The following P3H1 variants were observed in gnomAD, a reference collection of about 807,000 sequenced individuals.
P3H1 encodes growth suppressor 1.
In P3H1, 69 loss-of-function variants were observed where a neutral mutation model predicts 84.0. That is an observed-to-expected ratio of 0.82 (90% CI 0.68 to 1.00). The LOEUF (loss-of-function observed/expected upper bound fraction) is 1.00. P3H1 is among the 50% of genes least tolerant of loss of function. The pLI is 0.00. For missense variants in P3H1, 878 were observed against 962.8 expected (o/e 0.91, Z 1.17); for synonymous variants, 366 against 388.8 (o/e 0.94, Z 0.69).
chr1:42,749,896 T>C, intron 11 of P3H1: 1 of 456,374 alleles, frequency 2.2e-6, no homozygotes, highest in Non-Finnish European at 4.1e-6. Flanking sequence ...ATGAATGGTT[T>C]AGCACCAGCT....
intron 8 of P3H1, among the ~76,000 whole-genome samples, chr1:42,753,534 T>G (rs1652224483): frequency 6.6e-6 from 1 of 152,192 alleles, no homozygotes; most frequent in South Asian, 2.1e-4. Context: ...GTACCTGTTC[T>G]CTAACAATTA....
intron 9 of P3H1, 33 bp downstream of exon 9, chr1:42,752,504 T>G (rs765917074): frequency 1.2e-6 from 2 of 1,613,846 alleles, no homozygotes. Flanking sequence ...GCTGGACCCT[T>G]GGGGGAAGGT....
In P3H1 at chr1:42,754,948, C is replaced by A; in HGVS notation, c.1266G>T (p.Gly422=). The change falls in exon 8 of 15, where the codon GGG becomes GGT. Residue 422 remains glycine, a synonymous_variant. Transcript: ENST00000296388. The surrounding 1 kb of genome is among the most constrained non-coding windows in gnomAD (Gnocchi z 4.0). The part of the protein sequence containing the change: ...ETAVRISQEI[G]NLMKEIETLV... ...GGGTCTCGATTTCCTTCATAAGGTTCCCAATCTCCTGGGAGATGCGTACGG... is the reference window on the plus strand; with the variant it reads ...GGGTCTCGATTTCCTTCATAAGGTTACCAATCTCCTGGGAGATGCGTACGG... 1 of 1,614,200 alleles carries A rather than the reference C, an allele frequency of 6.2e-7. No individual in the cohort carries two copies. The highest frequency in any genetic ancestry group is 1.3e-5 in the African/African-American group (1 of 75,046).
chr1:42,746,661 T>C lies in P3H1; in HGVS notation c.*36A>G, dbSNP rs1404338124. ...CAGAGTGCAGAAGAGTTCCTCTCCA[T>C]GGGTCTAGTCACCCATCCGTCTGAC... On this transcript the variant is annotated 3_prime_UTR_variant, in exon 15 of 15. Coordinates refer to ENST00000296388, the MANE Select transcript of P3H1 (RefSeq NM_022356.4). 4.0e-6 allele frequency: 6 copies of C among 1,508,756 alleles called. No homozygotes were observed. In the Admixed American group the frequency reaches 1.2e-4, roughly 30 times the overall value. The allele number at this position is 1,508,756 out of a possible 1,614,324, so 93.5% of individuals were successfully genotyped here.
intron 1 of P3H1, among the ~76,000 whole-genome samples, chr1:42,766,015 C>CG: frequency 1.2e-5 from 1 of 81,798 alleles, no homozygotes; most frequent in South Asian, 5.7e-4. Context: ...GGTCCCCCCC[C>CG]CGCCCCCACA....
Position 42,759,319 on chromosome 1 carries a change from C to T in P3H1, c.690G>A (p.Ala230=), listed in dbSNP as rs376714509. ...AGGCCACAAAGTATTCTTGCAGCGCCGCCTCTAGGTGGGGCACAGCTTCCT... is the reference window on the plus strand; with the variant it reads ...AGGCCACAAAGTATTCTTGCAGCGCTGCCTCTAGGTGGGGCACAGCTTCCT... The part of the protein sequence containing the change: ...QPQEAVPHLE[A]ALQEYFVAYE... The change falls in exon 3 of 15, where the codon GCG becomes GCA. Residue 230 remains alanine, a synonymous_variant. Transcript: ENST00000296388. 1.8e-5 allele frequency: 29 copies of T among 1,614,054 alleles called. No homozygotes were observed. Among genetic ancestry groups the T allele is most frequent in the East Asian group, 2.2e-5 (1 of 44,886 alleles).
intron 13 of P3H1, 122 bp downstream of exon 13, chr1:42,747,601 G>T: frequency 8.6e-7 from 1 of 1,166,564 alleles, no homozygotes; most frequent in Non-Finnish European, 1.3e-6. Context: ...CCCTCTGGAT[G>T]GGGGAAGGGT....
At chr1:42,762,194 C>A (rs1570479078) in intron 2 of P3H1, 129 bp downstream of exon 2, 2 of 917,512 alleles carry the variant, frequency 2.2e-6, no homozygotes, top group Middle Eastern at 3.1e-4. Flanking sequence ...TCTCTTGAGT[C>A]CGGGAATTTG....
At chr1:42,766,381 C>T (rs1652997520) in intron 1 of P3H1, 126 bp downstream of exon 1, 5 of 859,908 alleles carry the variant, frequency 5.8e-6, no homozygotes, top group South Asian at 1.5e-5. Context: ...GAGGAGAGCT[C>T]CCCAGCCAGG....
chr1:42,758,510 C>A (rs892914850), intron 4 of P3H1, among the ~76,000 whole-genome samples: 2 of 152,182 alleles, frequency 1.3e-5, no homozygotes. Context: ...CAGTGCTATA[C>A]CAGGGAGAGG....
Position 42,759,241 on chromosome 1 carries a change from G to A in P3H1, c.768C>T (p.Asn256=). The change falls in exon 3 of 15, where the codon AAC becomes AAT. Residue 256 remains asparagine (N), a synonymous_variant. Coordinates refer to ENST00000296388, the MANE Select transcript of P3H1 (RefSeq NM_022356.4). ...AGAGGTCAGCGTTGTACTCAAGGTA[G>A]TTGTAGCCATCGTAGTCATAGGGCC... The part of the protein sequence containing the change: ...CEGPYDYDGY[N]YLEYNADLFQ... 6.2e-7 allele frequency: 1 copy of A among 1,614,196 alleles called. No homozygotes were observed. Among genetic ancestry groups the A allele is most frequent in the Non-Finnish European group, 8.5e-7 (1 of 1,180,042 alleles).
intron 10 of P3H1, 101 bp from the exon 11 acceptor site, chr1:42,750,437 G>A (rs1334177785): frequency 3.0e-6 from 4 of 1,328,004 alleles, no homozygotes; most frequent in Admixed American, 1.9e-5. Flanking sequence ...ATTCCCATGT[G>A]TTGTGGAAGG....
rs768504931 is a variant in P3H1, at chr1:42,757,802, C to G, written c.1061G>C (p.Arg354Thr). ...TCTCACCTCACGGGGGCCGATGGAT[C>G]TGGTGTGTTCTTCTCCAAGCATAGC... Reference protein sequence around the residue: ...YAAMLGEEHTRSIGPRESAKE... With the variant: ...YAAMLGEEHTTSIGPRESAKE... Residue 354 changes from arginine to threonine, a missense_variant, in exon 5 of 15, where the codon AGA (arginine) becomes ACA (threonine). By Grantham distance (71) the Arg-to-Thr change is moderately conservative. Transcript: ENST00000296388. 1.9e-6 allele frequency: 3 copies of G among 1,614,264 alleles called. No individual in the cohort carries two copies. Among genetic ancestry groups the G allele is most frequent in the Middle Eastern group, 3.3e-4 (2 of 6,062 alleles).
Position 42,762,380 on chromosome 1 carries a change from T to A in P3H1, c.561A>T (p.Gln187His). 1 of 1,614,148 alleles carries A rather than the reference T, an allele frequency of 6.2e-7. No individual in the cohort carries two copies. The highest frequency in any genetic ancestry group is 8.5e-7 in the Non-Finnish European group (1 of 1,180,022). Reference sequence around the variant, plus strand: ...CGGCCTCCTTCACTCCAGACATGGTTTGGTAATAGTCTAGGTTCTGCTGCA... The same window carrying A: ...CGGCCTCCTTCACTCCAGACATGGTATGGTAATAGTCTAGGTTCTGCTGCA... ...MEMQQNLDYY[Q>H]TMSGVKEADF... Residue 187 changes from glutamine (Q) to histidine (H), a missense_variant, in exon 2 of 15, where the codon CAA becomes CAT. Coordinates refer to ENST00000296388, the MANE Select transcript of P3H1 (RefSeq NM_022356.4).
chr1:42,758,349 G>C (rs1652516794), intron 4 of P3H1, among the ~76,000 whole-genome samples: 1 of 152,082 alleles, frequency 6.6e-6, no homozygotes, highest in Non-Finnish European at 1.5e-5. Flanking sequence ...TTGTCTCTTT[G>C]GCAAAATAGT....
chr1:42,752,506 G>C, intron 9 of P3H1, 31 bp downstream of exon 9: 3 of 1,613,918 alleles, frequency 1.9e-6, no homozygotes, highest in Non-Finnish European at 2.5e-6. Flanking sequence ...TGGACCCTTG[G>C]GGGAAGGTGC....
rs371826492 is a variant in P3H1 at position 42,755,005 on chromosome 1, G to A, written c.1224-15C>T. 14 of 1,613,978 alleles carry A rather than the reference G, an allele frequency of 8.7e-6. No homozygotes were observed. Among genetic ancestry groups the A allele is most frequent in the Middle Eastern group, 1.6e-4 (1 of 6,082 alleles). ...CCCGTTCTGACCTATGAGCACAGCC[G>A]CTCTGAGGACTGCATTCCAGGGCCA... On this transcript the variant is annotated splice_polypyrimidine_tract_variant and intron_variant, in intron 7 of 14. Coordinates refer to ENST00000296388, the MANE Select transcript of P3H1 (RefSeq NM_022356.4).
rs774737641 is a variant in P3H1, at chr1:42,755,117, G to A, written c.1223+48C>T. Reference sequence around the variant, plus strand: ...TCTGCCTGGGCTCAGGAAGCCTCAAGTGCTTCATCAGACTGATCCAACCAT... The same window carrying A: ...TCTGCCTGGGCTCAGGAAGCCTCAAATGCTTCATCAGACTGATCCAACCAT... On this transcript the variant is annotated intron_variant, in intron 7 of 14. Coordinates refer to ENST00000296388, the MANE Select transcript of P3H1 (RefSeq NM_022356.4). The A allele has an allele frequency of 5.6e-6, 9 of 1,611,554 alleles. No homozygotes were observed. The East Asian group carries it at 1.6e-4, about 28-fold the overall frequency.
chr1:42,759,317 G>A lies in P3H1; in HGVS notation c.692C>T (p.Ala231Val), dbSNP rs1370255593. ...PQEAVPHLEA[A>V]LQEYFVAYEE... ...ATAGGCCACAAAGTATTCTTGCAGC[G>A]CCGCCTCTAGGTGGGGCACAGCTTC... Residue 231 changes from alanine to valine, a missense_variant, in exon 3 of 15, where the codon GCG (alanine) becomes GTG (valine). Coordinates refer to ENST00000296388, the MANE Select transcript of P3H1 (RefSeq NM_022356.4). 8.1e-6 allele frequency: 13 copies of A among 1,614,004 alleles called. No homozygotes were observed. Among genetic ancestry groups the A allele is most frequent in the Middle Eastern group, 1.6e-4 (1 of 6,084 alleles).
Sources: allele counts gnomAD v4.1 joint callset (sites outside exome capture counted in the v4.1 genomes callset), GRCh38; gene constraint gnomAD v4.1.1; non-coding constraint Gnocchi (gnomAD v3.1); transcripts MANE v1.5; gene names NCBI Gene and HGNC (gene_info 2026-07-23, HGNC 2026-07-21).